The following PCSK6 variants were observed in gnomAD, a reference collection of about 807,000 sequenced individuals.
The protein encoded by PCSK6 is proprotein convertase subtilisin/kexin type 6, also known as paired basic amino acid cleaving enzyme 4.
A neutral mutation model predicts 123.3 loss-of-function variants in PCSK6; 85 were observed. That is an observed-to-expected ratio of 0.69 (90% CI 0.58 to 0.83). PCSK6 has a LOEUF of 0.83. Ranked by LOEUF, PCSK6 falls within the 40% of genes least tolerant of loss-of-function variation. PCSK6 has a pLI of 0.00. For missense variants in PCSK6, 1,191 were observed against 1,282.3 expected, an observed-to-expected ratio of 0.93 and a Z score of 1.09; for synonymous variants, 508 against 516.0, an observed-to-expected ratio of 0.98 and a Z score of 0.21.
rs1220911768 is a variant in PCSK6, at chr15:101,489,233, C to T, written c.297+141G>A. 4 of 446,344 alleles carry T rather than the reference C, an allele frequency of 9.0e-6. No individual in the cohort carries two copies. In the Admixed American group the frequency reaches 2.0e-4, roughly 22 times the overall value. The allele number at this position is 446,344 out of a possible 1,614,324, so 27.6% of individuals were successfully genotyped here. On this transcript the variant is annotated intron_variant, in intron 1 of 21. Transcript: ENST00000611716. ...CCCCCCCGCAGGGCGCCCCGGCCGC[C>T]CGCCGTCCCCAAGCGGTCCCGGAGC...
chr15:101,313,808 C>T (rs2039927508), intron 19 of PCSK6: 1 of 302,698 alleles, frequency 3.3e-6, no homozygotes, highest in Non-Finnish European at 6.1e-6. Context: ...AGGCCCACCT[C>T]TGCTCCCTGA....
Position 101,384,341 on chromosome 15 carries a change from C to T in PCSK6, c.1395G>A (p.Val465=), listed in dbSNP as rs1135911. 0.12 allele frequency: 197,589 copies of T among 1,613,298 alleles called. 13,072 individuals carry two copies. Among genetic ancestry groups the T allele is most frequent in the East Asian group, 0.21 (9,368 of 44,866 alleles). Residue 465 remains valine (V), a synonymous_variant, in exon 10 of 22, where the codon GTG becomes GTA. Transcript: ENST00000611716. The part of the protein sequence containing the change: ...PAHLKASDWK[V]NGAGHKVSHF... ...CCGCACCTTTATGACCCGCGCCGTTCACTTTCCAGTCGCTCGCTTTCAGGT... is the reference window on the plus strand; with the variant it reads ...CCGCACCTTTATGACCCGCGCCGTTTACTTTCCAGTCGCTCGCTTTCAGGT...
At chr15:101,422,349 G>A (rs1294971950) in intron 6 of PCSK6, among the ~76,000 whole-genome samples, 1 of 152,250 alleles carries the variant, frequency 6.6e-6, no homozygotes, top group Non-Finnish European at 1.5e-5. Context: ...AACAGCAGCT[G>A]AGAGGCTGGA....
At chr15:101,328,232 G>A (rs927127501) in intron 15 of PCSK6, among the ~76,000 whole-genome samples, 3 of 152,204 alleles carry the variant, frequency 2.0e-5, no homozygotes, top group Admixed American at 1.3e-4. Flanking sequence ...TTCCTGCAGC[G>A]TCTTCTCCCT....
At chr15:101,368,036 G>A (rs1247689296) in intron 12 of PCSK6, among the ~76,000 whole-genome samples, 5 of 152,166 alleles carry the variant, frequency 3.3e-5, no homozygotes, top group African/African-American at 4.8e-5. Flanking sequence ...GGTTGGTCTC[G>A]AACTCCTGAC....
At chr15:101,406,859 C>G (rs3825902) in intron 6 of PCSK6, among the ~76,000 whole-genome samples, 29,479 of 152,082 alleles carry the variant, frequency 0.19, 5,483 homozygotes, top group African/African-American at 0.49. Context: ...CCTCCTTCTA[C>G]AGTGGAAACA....
At chr15:101,387,273 G>A (rs1428447415) in intron 9 of PCSK6, among the ~76,000 whole-genome samples, 1 of 152,212 alleles carries the variant, frequency 6.6e-6, no homozygotes, top group Non-Finnish European at 1.5e-5. Flanking sequence ...CCCTGGTAGA[G>A]AGGTCACAGG....
At chr15:101,325,726 C>T (rs977739299) in intron 16 of PCSK6, among the ~76,000 whole-genome samples, 14 of 152,210 alleles carry the variant, frequency 9.2e-5, no homozygotes, top group Admixed American at 7.9e-4. Context: ...AGTGGTGATG[C>T]CAGGAGCTGG....
intron 11 of PCSK6, among the ~76,000 whole-genome samples, chr15:101,372,455 T>C (rs1245290082): frequency 6.6e-6 from 1 of 152,216 alleles, no homozygotes; most frequent in Non-Finnish European, 1.5e-5. Context: ...GCATGCACCA[T>C]AAATTGATCT....
intron 6 of PCSK6, among the ~76,000 whole-genome samples, chr15:101,402,336 T>A (rs371743634): frequency 4.4e-4 from 66 of 149,062 alleles, no homozygotes; most frequent in African/African-American, 1.5e-3. Flanking sequence ...AACCTAGGCA[T>A]TACCATTCAG....
At position 101,389,568 on chromosome 15, in the gene PCSK6, G is replaced by C. The variant is rs550430570; in HGVS notation, c.1210-4C>G. 1.2e-6 allele frequency: 2 copies of C among 1,607,850 alleles called. No homozygotes were observed. Among genetic ancestry groups the C allele is most frequent in the East Asian group, 2.2e-5 (1 of 44,734 alleles). ...GCTGACGCAGATCCGTGGTGACCTG[G>C]GGGAGAGAGAAGCACAGTGAGGCAG... On this transcript the variant is annotated splice_region_variant and splice_polypyrimidine_tract_variant and intron_variant, in intron 8 of 21. Transcript: ENST00000611716.
chr15:101,318,664 G>A (rs1175344216), intron 18 of PCSK6, among the ~76,000 whole-genome samples: 3 of 152,210 alleles, frequency 2.0e-5, no homozygotes, highest in Admixed American at 6.5e-5. Context: ...GCCAGGCTCC[G>A]TCCTTGACCC....
intron 13 of PCSK6, among the ~76,000 whole-genome samples, chr15:101,359,733 C>T (rs2141433103): frequency 6.6e-6 from 1 of 152,362 alleles, no homozygotes; most frequent in East Asian, 1.9e-4. Flanking sequence ...CCGTGCTGTG[C>T]ACCACTGCAA....
At chr15:101,476,700 A>C (rs909004987) in intron 1 of PCSK6, among the ~76,000 whole-genome samples, 1 of 152,202 alleles carries the variant, frequency 6.6e-6, no homozygotes, top group African/African-American at 2.4e-5. Context: ...CAGGGATCGG[A>C]TGAGGGGAGG....
At chr15:101,348,384 C>G (rs868522620) in intron 13 of PCSK6, among the ~76,000 whole-genome samples, 2 of 152,204 alleles carry the variant, frequency 1.3e-5, no homozygotes, top group Admixed American at 6.5e-5. Context: ...CGGAGTAAAA[C>G]GTCATCAAAA....
At chr15:101,393,536 G>A in intron 7 of PCSK6, 112 bp from the exon 8 acceptor site, 1 of 755,780 alleles carries the variant, frequency 1.3e-6, no homozygotes. Context: ...GGATAAGAAG[G>A]TTGCATTCAG....
rs540262242 is a variant in PCSK6, at chr15:101,370,452, C to T, written c.1604G>A (p.Arg535Gln). 9.0e-6 allele frequency: 14 copies of T among 1,550,938 alleles called. No individual in the cohort carries two copies. The East Asian group carries it at 1.2e-4, about 14-fold the overall frequency. Residue 535 changes from arginine to glutamine, a missense_variant, in exon 12 of 22, where the codon CGG becomes CAG. Around this residue, in one of 3 missense-constraint regions of PCSK6, gnomAD observed 630 missense variants for 631.4 expected, o/e 1.00. Coordinates refer to ENST00000611716, the MANE Select transcript of PCSK6 (RefSeq NM_002570.5). ...TSACAEHSDQ[R>Q]VVYLEHVVVR... ...CACCACGTGCTCCAAGTAGACCACC[C>T]GCTGGTCCGAGTGCTCCGCGCAGGC...
chr15:101,350,012 A>C (rs1168596952), intron 13 of PCSK6, among the ~76,000 whole-genome samples: 1 of 151,872 alleles, frequency 6.6e-6, no homozygotes, highest in East Asian at 1.9e-4. Flanking sequence ...TGGTTCAAGC[A>C]ATTCTCCTGC....
chr15:101,335,669 A>C (rs2040462083), intron 13 of PCSK6, among the ~76,000 whole-genome samples: 1 of 152,354 alleles, frequency 6.6e-6, no homozygotes, highest in South Asian at 2.1e-4. Flanking sequence ...GCTGCACAGG[A>C]GAGATGTAGT....
Sources: gnomAD v4.1 joint callset for allele counts (sites outside exome capture counted in the v4.1 genomes callset) on GRCh38, gnomAD v4.1.1 for gene constraint, gnomAD v4.1.1 regional missense constraint, MANE v1.5 for transcripts, NCBI Gene and HGNC (gene_info 2026-07-23, HGNC 2026-07-21) for gene names.